Variants in SULT1E1 observed in about 807,000 individuals in gnomAD.
SULT1E1 encodes sulfotransferase 1E1.
In SULT1E1, 36 loss-of-function variants were observed where a neutral mutation model predicts 33.6. That is an observed-to-expected ratio of 1.07 (90% CI 0.82 to 1.41). SULT1E1 has a LOEUF of 1.41. Ranked by LOEUF, SULT1E1 falls within the 40% of genes most tolerant of loss-of-function variation. The pLI is 0.00. For synonymous variants in SULT1E1, 121 were observed against 111.7 expected, an observed-to-expected ratio of 1.08 and a Z score of -0.53; for missense variants, 371 against 345.7, an observed-to-expected ratio of 1.07 and a Z score of -0.58.
chr4:69,853,208 G>T (rs1370221652), intron 4 of SULT1E1, among the ~76,000 whole-genome samples: 1 of 152,110 alleles, frequency 6.6e-6, no homozygotes, highest in East Asian at 1.9e-4. Flanking sequence ...CAGCACTGGT[G>T]AGAGAAAGGT....
intron 6 of SULT1E1, among the ~76,000 whole-genome samples, chr4:69,846,322 A>G (rs1319259720): frequency 2.9e-5 from 4 of 137,354 alleles, no homozygotes; most frequent in Non-Finnish European, 6.4e-5. Flanking sequence ...AAAAAAAAAA[A>G]GAAAAGAAAA....
At chr4:69,836,869 T>C (rs1345961048), downstream of SULT1E1, among the ~76,000 whole-genome samples, 1 of 152,124 alleles carries the variant, frequency 6.6e-6, no homozygotes, top group African/African-American at 2.4e-5. Flanking sequence ...ATAGACAATA[T>C]CTAACTGTTA....
chr4:69,826,743 A>C, the SULT1E1 span, among the ~76,000 whole-genome samples: 31 of 152,190 alleles, frequency 2.0e-4, no homozygotes, highest in Non-Finnish European at 4.1e-4. Flanking sequence ...ATAAATTATA[A>C]TACTATCCTG....
At chr4:69,852,905 G>A (rs954238858) in intron 4 of SULT1E1, among the ~76,000 whole-genome samples, 1 of 151,996 alleles carries the variant, frequency 6.6e-6, no homozygotes, top group African/African-American at 2.4e-5. Context: ...AAGTGTCTTG[G>A]TCAAATCTCT....
At chr4:69,855,771 A>C (rs1243477400) in intron 2 of SULT1E1, among the ~76,000 whole-genome samples, 3 of 152,186 alleles carry the variant, frequency 2.0e-5, no homozygotes, top group Non-Finnish European at 4.4e-5. Context: ...CCAATCAAAA[A>C]TTTTACTGAT....
At chr4:69,852,445 C>T (rs533557747) in intron 4 of SULT1E1, among the ~76,000 whole-genome samples, 1 of 152,202 alleles carries the variant, frequency 6.6e-6, no homozygotes, top group East Asian at 1.9e-4. Context: ...AAGAATTATC[C>T]TGAGCCATAA....
intron 1 of SULT1E1, among the ~76,000 whole-genome samples, chr4:69,858,873 T>G (rs971976101): frequency 2.6e-5 from 4 of 152,180 alleles, no homozygotes; most frequent in Non-Finnish European, 5.9e-5. Context: ...TTTCTTGGTG[T>G]TCAGCCAAGT....
intron 6 of SULT1E1, among the ~76,000 whole-genome samples, 178 bp from the exon 7 acceptor site, chr4:69,844,519 C>T (rs1406416372): frequency 2.0e-5 from 3 of 151,956 alleles, no homozygotes; most frequent in Non-Finnish European, 4.4e-5. Flanking sequence ...TTTTCCTCAT[C>T]CATAAAATGC....
intron 1 of SULT1E1, 35 bp from the exon 2 acceptor site, chr4:69,857,688 A>G: frequency 6.5e-7 from 1 of 1,533,416 alleles, no homozygotes; most frequent in Non-Finnish European, 8.7e-7. Context: ...CTTTGTATGT[A>G]CTTAACAATA....
At chr4:69,825,326 C>A in the SULT1E1 span, among the ~76,000 whole-genome samples, 1 of 151,968 alleles carries the variant, frequency 6.6e-6, no homozygotes, top group East Asian at 1.9e-4. Flanking sequence ...TAACACTCAC[C>A]GCGAGGGTCT....
At chr4:69,849,130 G>A (rs555085558) in intron 5 of SULT1E1, 1 of 195,488 alleles carries the variant, frequency 5.1e-6, no homozygotes, top group Admixed American at 5.3e-5. Context: ...CTACTAAAAA[G>A]AGACAAGGCA....
chr4:69,837,363 C>A (rs1165472416), downstream of SULT1E1, among the ~76,000 whole-genome samples: 1 of 151,716 alleles, frequency 6.6e-6, no homozygotes, highest in African/African-American at 2.4e-5. Context: ...AAAATATTAA[C>A]AATAATAATA....
chr4:69,859,144 G>A (rs936141274), intron 1 of SULT1E1, among the ~76,000 whole-genome samples: 1 of 151,930 alleles, frequency 6.6e-6, no homozygotes, highest in African/African-American at 2.4e-5. Flanking sequence ...GAGTATGTAG[G>A]TCAGTTGTTC....
At chr4:69,845,732 AGT>A (rs1720964046) in intron 6 of SULT1E1, among the ~76,000 whole-genome samples, 1 of 151,426 alleles carries the variant, frequency 6.6e-6, no homozygotes. Context: ...ATCGGGAGTA[AGT>A]AGACATGGAC....
chr4:69,855,266 A>C, intron 3 of SULT1E1, 35 bp downstream of exon 3: 1 of 1,596,746 alleles, frequency 6.3e-7, no homozygotes. Context: ...CTTAGAATAT[A>C]TGCAAATAGT....
chr4:69,852,381 C>T (rs1432297639), intron 4 of SULT1E1, among the ~76,000 whole-genome samples: 1 of 152,098 alleles, frequency 6.6e-6, no homozygotes, highest in Non-Finnish European at 1.5e-5. Context: ...CTTTTGTAAC[C>T]ACTTTTGTAA....
At chr4:69,840,855 G>A (rs965187950), downstream of SULT1E1, among the ~76,000 whole-genome samples, 2 of 152,068 alleles carry the variant, frequency 1.3e-5, no homozygotes, top group African/African-American at 2.4e-5. Context: ...GACCATCCTG[G>A]CTAACACTGT....
chr4:69,846,305 C>CAAAAAAAAAAAAAAAAGAAAA (rs1720974935), intron 6 of SULT1E1, among the ~76,000 whole-genome samples: 1 of 107,040 alleles, frequency 9.3e-6, no homozygotes, highest in Non-Finnish European at 1.9e-5. Flanking sequence ...ACAAAACAAT[C>CAAAAAAAAAAAAAAAAGAAAA]AAAAAAAAAA....
chr4:69,827,491 C>T, the SULT1E1 span, among the ~76,000 whole-genome samples: 8 of 152,238 alleles, frequency 5.3e-5, no homozygotes, highest in South Asian at 2.1e-4. Context: ...ACCATAACTC[C>T]GGGAAAGGAA....
Sources: gnomAD v4.1 joint callset for allele counts (sites outside exome capture counted in the v4.1 genomes callset) on GRCh38, gnomAD v4.1.1 for gene constraint, MANE v1.5 for transcripts, NCBI Gene and HGNC (gene_info 2026-07-23, HGNC 2026-07-21) for gene names.